The following NGEF variants were observed in gnomAD, a reference collection of about 807,000 sequenced individuals.
NGEF encodes the protein neuronal guanine nucleotide exchange factor, also known as ephexin-1.
In NGEF, 31 loss-of-function variants were observed where a neutral mutation model predicts 80.9. The ratio of observed to expected loss-of-function variants is 0.38; its 90% confidence interval spans 0.29 to 0.52. The LOEUF is 0.52. Ranked by LOEUF, NGEF falls within the 20% of genes least tolerant of loss-of-function variation. The pLI is 0.84. For missense variants in NGEF, 709 were observed against 926.2 expected (o/e 0.77, Z 3.04); for synonymous variants, 371 against 370.2 (o/e 1.00, Z -0.03).
chr2:233,006,227 TC>T (rs932861774), intron 1 of NGEF, among the ~76,000 whole-genome samples: 2 of 152,196 alleles, frequency 1.3e-5, no homozygotes, highest in Non-Finnish European at 2.9e-5. Context: ...ATTATTGAGT[TC>T]CCCAAAACTC....
At chr2:232,954,875 G>A in intron 3 of NGEF, among the ~76,000 whole-genome samples, 1 of 152,092 alleles carries the variant, frequency 6.6e-6, no homozygotes, top group East Asian at 1.9e-4. Context: ...GTGTGGGTGG[G>A]GGAACAGCAG....
At chr2:232,952,195 A>G (rs796555624) in intron 3 of NGEF, among the ~76,000 whole-genome samples, 34 of 152,364 alleles carry the variant, frequency 2.2e-4, no homozygotes, top group African/African-American at 7.5e-4. Flanking sequence ...ATAAAGCCTG[A>G]GTAATATCAG....
intron 3 of NGEF, among the ~76,000 whole-genome samples, chr2:232,954,842 G>C (rs774497799): frequency 6.6e-6 from 1 of 152,064 alleles, no homozygotes; most frequent in Non-Finnish European, 1.5e-5. Context: ...ACTGAAGGAT[G>C]AATAGAAACT....
chr2:232,888,310 TCGCACACACATGCA>T (rs1362092415), intron 8 of NGEF, among the ~76,000 whole-genome samples: 1 of 150,392 alleles, frequency 6.6e-6, no homozygotes, highest in African/African-American at 2.5e-5. Flanking sequence ...GCATACATGC[TCGCACACACATGCA>T]CACCATGCAC....
chr2:232,981,410 T>C (rs1256302386), intron 1 of NGEF, among the ~76,000 whole-genome samples: 1 of 152,018 alleles, frequency 6.6e-6, no homozygotes, highest in African/African-American at 2.4e-5. Context: ...CGAGTAGAAA[T>C]TACGGTTTAG....
intron 1 of NGEF, among the ~76,000 whole-genome samples, chr2:233,007,234 A>G (rs1234581331): frequency 2.6e-5 from 4 of 152,132 alleles, no homozygotes; most frequent in Non-Finnish European, 5.9e-5. Context: ...ACAGAGCAAG[A>G]CCCTGTCTCA....
At chr2:232,924,916 T>TA in intron 4 of NGEF, among the ~76,000 whole-genome samples, 1 of 152,350 alleles carries the variant, frequency 6.6e-6, no homozygotes, top group Middle Eastern at 3.4e-3. Context: ...AGTTACCTGA[T>TA]ACAGTGTGTA....
chr2:232,934,734 C>G (rs1029314441), intron 3 of NGEF, among the ~76,000 whole-genome samples: 4 of 152,072 alleles, frequency 2.6e-5, no homozygotes, highest in African/African-American at 9.7e-5. Context: ...CAGGTGCAGT[C>G]GCTCACATCT....
chr2:232,949,766 C>T (rs1693642077), intron 3 of NGEF, among the ~76,000 whole-genome samples: 1 of 147,370 alleles, frequency 6.8e-6, no homozygotes, highest in Non-Finnish European at 1.5e-5. Flanking sequence ...GGTTGAGCCA[C>T]TGCGCCTGGC....
intron 8 of NGEF, 48 bp downstream of exon 8, chr2:232,891,310 G>A: frequency 8.7e-6 from 14 of 1,608,214 alleles, no homozygotes; most frequent in Non-Finnish European, 1.2e-5. Context: ...AATGACCACA[G>A]CAAAGCCTGG....
At chr2:233,011,694 C>A (rs887299656) in intron 1 of NGEF, among the ~76,000 whole-genome samples, 5 of 152,172 alleles carry the variant, frequency 3.3e-5, no homozygotes, top group African/African-American at 1.2e-4. Flanking sequence ...CTCAAGCAGC[C>A]CTCCTGCCTC....
At chr2:232,917,722 T>C (rs533449241) in intron 5 of NGEF, among the ~76,000 whole-genome samples, 1 of 152,192 alleles carries the variant, frequency 6.6e-6, no homozygotes, top group African/African-American at 2.4e-5. Context: ...TGAATTCTAC[T>C]CTGTCTGATA....
At chr2:232,881,014 G>A (rs1242120625) in intron 14 of NGEF, 132 bp downstream of exon 14, 1 of 701,530 alleles carries the variant, frequency 1.4e-6, no homozygotes, top group African/African-American at 1.7e-5. Context: ...CAAGCAGAAT[G>A]TCTCAGGGAG....
At chr2:232,900,185 C>CTT in intron 5 of NGEF, among the ~76,000 whole-genome samples, 1 of 81,782 alleles carries the variant, frequency 1.2e-5, no homozygotes, top group African/African-American at 3.9e-5. Context: ...CTCACATTCA[C>CTT]ACACACGCTC....
intron 1 of NGEF, among the ~76,000 whole-genome samples, chr2:232,992,789 C>T (rs79878501): frequency 0.26 from 39,967 of 151,442 alleles, 6,438 homozygotes; most frequent in East Asian, 0.63. Context: ...GACTTTGAGA[C>T]TAGCCTGGGC....
At position 232,962,640 on chromosome 2, in the gene NGEF, A is replaced by T. The variant is rs1256443528; in HGVS notation, c.383+7574T>A. ...TATTTTTACATACTACCAAAAAATG[A>T]TTGAAAAATGAAATTAGAAAACATT... On this transcript the variant is annotated intron_variant, in intron 3 of 14. Coordinates refer to ENST00000264051, the MANE Select transcript of NGEF (RefSeq NM_019850.3). Among the ~76,000 whole-genome samples, 3 of 152,022 alleles carry T rather than the reference A, an allele frequency of 2.0e-5. No homozygotes were observed. The East Asian group carries it at 5.8e-4, about 29-fold the overall frequency.
chr2:232,985,196 A>C (rs549541588), intron 1 of NGEF, among the ~76,000 whole-genome samples: 7 of 152,218 alleles, frequency 4.6e-5, no homozygotes, highest in Non-Finnish European at 7.3e-5. Flanking sequence ...TATTGTCGGA[A>C]GACCTGAGCA....
At chr2:232,922,972 A>G (rs1692976206) in intron 4 of NGEF, among the ~76,000 whole-genome samples, 1 of 152,068 alleles carries the variant, frequency 6.6e-6, no homozygotes, top group Non-Finnish European at 1.5e-5. Context: ...CGGGAGGCTG[A>G]GGCAGGAGAA....
Position 232,993,106 on chromosome 2 carries a change from AATATATATATATAAATAAATATATATTT to A in NGEF, c.-74-18170_-74-18143del, listed in dbSNP as rs1213810347. 2.9e-4 allele frequency among the ~76,000 whole-genome samples: 29 copies of A among 100,438 alleles called. 1 individual carries two copies. The highest frequency in any genetic ancestry group is 4.8e-4 in the Non-Finnish European group (26 of 53,706). 65.9% of individuals were successfully genotyped at this position (100,438 alleles called of 152,430 possible). A position where few individuals can be genotyped will look rare whatever the true frequency, so the allele number is the denominator to read the frequency against. ...GGGCAAATATATATATAAATAAATA[AATATATATATATAAATAAATATATATTT>A]ATTTATATATATATGGGCAAATATA... On this transcript the variant is annotated intron_variant, in intron 1 of 14. Transcript: ENST00000264051.
Sources: allele counts gnomAD v4.1 joint callset (sites outside exome capture counted in the v4.1 genomes callset), GRCh38; gene constraint gnomAD v4.1.1; transcripts MANE v1.5; gene names NCBI Gene and HGNC (gene_info 2026-07-23, HGNC 2026-07-21).